FAM228A: variants seen among roughly 807,000 people sequenced by gnomAD.
The protein encoded by FAM228A is family with sequence similarity 228 member A, also known as protein FAM228A.
FAM228A carries 13 observed loss-of-function variants against 18.6 expected under a neutral mutation model. The ratio of observed to expected loss-of-function variants is 0.70; its 90% CI spans 0.45 to 1.11. The LOEUF (loss-of-function observed/expected upper bound fraction) is 1.11. Ranked by LOEUF, FAM228A falls within the 50% of genes least tolerant of loss-of-function variation. The probability of loss-of-function intolerance (pLI) is 0.00; values close to 1 mark genes in which losing one functional copy is unlikely to be tolerated. For missense variants in FAM228A, 240 were observed against 242.2 expected (o/e 0.99, Z 0.06); for synonymous variants, 77 against 86.6 (o/e 0.89, Z 0.61).
At chr2:24,179,320 A>G (rs1013014611) in intron 3 of FAM228A, 4 of 505,328 alleles carry the variant, frequency 7.9e-6, no homozygotes, top group Non-Finnish European at 1.1e-5. Context: ...TATTTTTCAA[A>G]TAGAGTATAA....
At chr2:24,175,765 G>C (rs1478702082) in intron 2 of FAM228A, 192 bp downstream of exon 2, 1 of 777,992 alleles carries the variant, frequency 1.3e-6, no homozygotes, top group Non-Finnish European at 1.9e-6. Flanking sequence ...CGCCAGCCTG[G>C]GGGCTGGCGC....
rs541088859 is a variant in FAM228A, at chr2:24,186,556, T to C, written c.401+2911T>C. Among the ~76,000 whole-genome samples, 8 of 152,278 alleles carry C rather than the reference T, an allele frequency of 5.3e-5. No homozygotes were observed. In the East Asian group the frequency reaches 1.5e-3, roughly 29 times the overall value. ...TAGTTTGCTATCAGTTTTTTTTAGA[T>C]AATAGATTTTGACATATATTAATTT... On this transcript the variant is annotated intron_variant, in intron 5 of 5. Coordinates refer to ENST00000295150, the MANE Select transcript of FAM228A (RefSeq NM_001040710.3).
chr2:24,175,728 G>T (rs1003691046), intron 2 of FAM228A, 155 bp downstream of exon 2: 2 of 760,292 alleles, frequency 2.6e-6, no homozygotes, highest in Non-Finnish European at 4.2e-6. Flanking sequence ...AGATTTGGCC[G>T]AGAGTGTGGC....
chr2:24,184,373 C>G (rs1390261492), intron 5 of FAM228A, among the ~76,000 whole-genome samples: 6 of 136,820 alleles, frequency 4.4e-5, no homozygotes, highest in Admixed American at 2.9e-4. Flanking sequence ...GAGTGAGACA[C>G]TGTCAAAAAA....
chr2:24,183,591 C>G lies in FAM228A; in HGVS notation c.347C>G (p.Pro116Arg), dbSNP rs1352743967. 1 of 1,613,812 alleles carries G rather than the reference C, an allele frequency of 6.2e-7. No individual in the cohort carries two copies. The highest frequency in any genetic ancestry group is 2.2e-5 in the East Asian group (1 of 44,898). The change falls in exon 5 of 6, where the codon CCA becomes CGA. Residue 116 changes from proline to arginine, a missense_variant. Physicochemically the swap from Pro to Arg is moderately radical, Grantham distance 103. Transcript: ENST00000295150. The stretch of plus-strand genomic sequence containing the variant: ...ACTTTCACTTCACACTGTGTGATTC[C>G]AAAAGAGTGGCATAAAGCCTCTGCA... Reference protein sequence around the residue: ...YFTFTSHCVIPKEWHKASARA... With the variant: ...YFTFTSHCVIRKEWHKASARA...
Position 24,175,083 on chromosome 2 carries a change from C to T in FAM228A, c.-106C>T, listed in dbSNP as rs571754600. The T allele has an allele frequency of 4.1e-5, 7 of 171,780 alleles. No individual in the cohort carries two copies. In the South Asian group the frequency reaches 7.0e-4, roughly 17 times the overall value. 10.6% of individuals were successfully genotyped at this position (171,780 alleles called of 1,614,324 possible). On this transcript the variant is annotated 5_prime_UTR_variant, in exon 1 of 6. Transcript: ENST00000295150. ...CCCCGACGCTCGGGCCCGCGGGCTC[C>T]TTTCTCCGTCGCCGCTCCAGGACGC...
intron 5 of FAM228A, among the ~76,000 whole-genome samples, chr2:24,184,608 T>G (rs374068095): frequency 9.2e-4 from 140 of 152,348 alleles, no homozygotes; most frequent in African/African-American, 3.3e-3. Flanking sequence ...TTGGGTTGTT[T>G]CCATATTTTG....
rs1013745377 is a variant in FAM228A, at chr2:24,189,835, CGGGAGG to C, written c.402-573_402-568del. 1.3e-4 allele frequency among the ~76,000 whole-genome samples: 19 copies of C among 151,976 alleles called. 1 individual carries two copies. Among genetic ancestry groups the C allele is most frequent in the Admixed American group, 1.1e-3 (17 of 15,264 alleles). On this transcript the variant is annotated intron_variant, in intron 5 of 5. Coordinates refer to ENST00000295150, the MANE Select transcript of FAM228A (RefSeq NM_001040710.3). ...GCCAGAATCCTTCTCAAAGGAAAGG[CGGGAGG>C]GGGCTCGATATGTTAGAGAGCATTG...
chr2:24,184,158 C>A (rs530041795), intron 5 of FAM228A, among the ~76,000 whole-genome samples: 85 of 152,116 alleles, frequency 5.6e-4, no homozygotes, highest in Non-Finnish European at 9.6e-4. Context: ...GGCAGGTGGA[C>A]CACCTGAGGT....
chr2:24,180,902 G>GGT (rs10686992), intron 3 of FAM228A, among the ~76,000 whole-genome samples: 278 of 152,278 alleles, frequency 1.8e-3, no homozygotes, highest in African/African-American at 6.2e-3. Flanking sequence ...ACTGGAAAGA[G>GGT]GTGGGGTATT....
chr2:24,190,913 C>T lies in FAM228A; in HGVS notation c.*282C>T, dbSNP rs1047137538. On this transcript the variant is annotated 3_prime_UTR_variant, in exon 6 of 6. Transcript: ENST00000295150. ...CCCCCTGAGATTTCTTCAGCGCCTT[C>T]GCCCGGGCCTTTGCCCTTCTGCCAC... 1.9e-5 allele frequency: 22 copies of T among 1,135,900 alleles called. No homozygotes were observed. The East Asian group carries it at 2.7e-4, about 14-fold the overall frequency. 70.4% of individuals were successfully genotyped at this position (1,135,900 alleles called of 1,614,324 possible). A position where few individuals can be genotyped will look rare whatever the true frequency, so the allele number is the denominator to read the frequency against.
At chr2:24,179,225 A>G in intron 3 of FAM228A, 1 of 1,002,888 alleles carries the variant, frequency 1.0e-6, no homozygotes, top group Non-Finnish European at 1.3e-6. Context: ...AATTATGGAA[A>G]AAGTAATTTC....
At chr2:24,189,489 C>T (rs1668031529) in intron 5 of FAM228A, among the ~76,000 whole-genome samples, 1 of 152,106 alleles carries the variant, frequency 6.6e-6, no homozygotes, top group Admixed American at 6.5e-5. Flanking sequence ...CAGAACTCTC[C>T]AGCCCCTTAC....
At chr2:24,188,877 C>T (rs551374559) in intron 5 of FAM228A, among the ~76,000 whole-genome samples, 6 of 152,244 alleles carry the variant, frequency 3.9e-5, no homozygotes, top group South Asian at 4.1e-4. Flanking sequence ...GTCTGTTATA[C>T]ACTCTCAATA....
rs958075943 is a variant in FAM228A, at chr2:24,191,049, T to A, written c.*418T>A. 1.0e-6 allele frequency: 1 copy of A among 991,794 alleles called. No homozygotes were observed. Among genetic ancestry groups the A allele is most frequent in the Non-Finnish European group, 1.2e-6 (1 of 834,280 alleles). The allele number at this position is 991,794 out of a possible 1,614,324, so 61.4% of individuals were successfully genotyped here. A position where few individuals can be genotyped will look rare whatever the true frequency, so the allele number is the denominator to read the frequency against. ...TGAAATGAAATTTATACCAAAAAATTAGGGCAAGATGAGATTTTTTGATAT... is the reference window on the plus strand; with the variant it reads ...TGAAATGAAATTTATACCAAAAAATAAGGGCAAGATGAGATTTTTTGATAT... On this transcript the variant is annotated 3_prime_UTR_variant, in exon 6 of 6. Transcript: ENST00000295150.
intron 1 of FAM228A, 70 bp downstream of exon 1, chr2:24,175,244 G>T: frequency 9.9e-6 from 5 of 506,260 alleles, no homozygotes; most frequent in Non-Finnish European, 1.4e-5. Context: ...GGGCCAGGGG[G>T]GCGCGCCCCG....
Position 24,190,921 on chromosome 2 carries a change from C to A in FAM228A, c.*290C>A. The A allele has an allele frequency of 8.9e-7, 1 of 1,117,922 alleles. No individual in the cohort carries two copies. Among genetic ancestry groups the A allele is most frequent in the Non-Finnish European group, 1.1e-6 (1 of 914,836 alleles). The allele number at this position is 1,117,922 out of a possible 1,614,324, so 69.3% of individuals were successfully genotyped here. A position where few individuals can be genotyped will look rare whatever the true frequency, so the allele number is the denominator to read the frequency against. ...GATTTCTTCAGCGCCTTCGCCCGGG[C>A]CTTTGCCCTTCTGCCACTTTCCTAC... is the stretch of plus-strand genomic sequence containing the variant. On this transcript the variant is annotated 3_prime_UTR_variant, in exon 6 of 6. Transcript: ENST00000295150.
intron 2 of FAM228A, 34 bp from the exon 3 acceptor site, chr2:24,177,768 A>T: frequency 8.0e-7 from 1 of 1,247,826 alleles, no homozygotes; most frequent in Non-Finnish European, 1.2e-6. Context: ...TTTCTTCAGG[A>T]TTCACATCTT....
At chr2:24,179,344 T>C in intron 3 of FAM228A, 1 of 371,856 alleles carries the variant, frequency 2.7e-6, no homozygotes, top group Non-Finnish European at 4.0e-6. Flanking sequence ...GAAGAGTTGG[T>C]CTAACAATTT....
Sources: allele counts gnomAD v4.1 joint callset (sites outside exome capture counted in the v4.1 genomes callset), GRCh38; gene constraint gnomAD v4.1.1; transcripts MANE v1.5; gene names NCBI Gene and HGNC (gene_info 2026-07-23, HGNC 2026-07-21).